Variants in ITSN2 observed in about 807,000 individuals in gnomAD.
ITSN2 encodes the protein intersectin-2.
In ITSN2, 156 loss-of-function variants were observed where a neutral mutation model predicts 243.7. The observed-to-expected ratio is 0.64, with a 90% CI of 0.56 to 0.73. The LOEUF (loss-of-function observed/expected upper bound fraction) is 0.73, where lower values mean the gene tolerates loss of function less well. ITSN2 is among the 30% of genes least tolerant of loss of function. ITSN2 has a pLI of 0.00. For synonymous variants in ITSN2, 703 were observed against 699.9 expected (o/e 1.00, Z -0.07); for missense variants, 1,801 against 1,996.1 (o/e 0.90, Z 1.86).
intron 1 of ITSN2, among the ~76,000 whole-genome samples, chr2:24,354,005 C>T (rs1688238174): frequency 6.6e-6 from 1 of 152,156 alleles, no homozygotes; most frequent in Non-Finnish European, 1.5e-5. Context: ...ATGGAAACTG[C>T]TTATGTTCTT....
At chr2:24,322,627 G>T (rs1684709234) in intron 2 of ITSN2, among the ~76,000 whole-genome samples, 1 of 152,096 alleles carries the variant, frequency 6.6e-6, no homozygotes, top group Admixed American at 6.6e-5. Context: ...AAAACTTCCT[G>T]AAGAAAATAT....
At chr2:24,271,726 T>C in intron 19 of ITSN2, 40 bp downstream of exon 19, 2 of 1,463,336 alleles carry the variant, frequency 1.4e-6, no homozygotes, top group Non-Finnish European at 1.8e-6. Context: ...TTTTTTCTTG[T>C]TGCATTTGTT....
chr2:24,356,345 CAAAAAAAA>C (rs70944743), intron 1 of ITSN2, among the ~76,000 whole-genome samples: 89 of 109,374 alleles, frequency 8.1e-4, no homozygotes, highest in Non-Finnish European at 1.3e-3. Flanking sequence ...GACCCTGTCT[CAAAAAAAA>C]AAAAAAAAAG....
chr2:24,222,076 C>T (rs1039650864), intron 29 of ITSN2, among the ~76,000 whole-genome samples: 2 of 152,014 alleles, frequency 1.3e-5, no homozygotes, highest in Non-Finnish European at 2.9e-5. Context: ...CACGGTGAAA[C>T]CCCGTCTCTA....
chr2:24,208,418 C>T lies in ITSN2; in HGVS notation c.4596-99G>A, dbSNP rs1573851881. 6 of 878,036 alleles carry T rather than the reference C, an allele frequency of 6.8e-6. No individual in the cohort carries two copies. The South Asian group carries it at 8.4e-5, about 12-fold the overall frequency. 54.4% of individuals were successfully genotyped at this position (878,036 alleles called of 1,614,324 possible). A position where few individuals can be genotyped will look rare whatever the true frequency, so the allele number is the denominator to read the frequency against. On this transcript the variant is annotated intron_variant, in intron 36 of 39. Coordinates refer to ENST00000355123, the MANE Select transcript of ITSN2 (RefSeq NM_006277.3). ...ACATGTTCTTCAGTCTTTTGCTAAC[C>T]TCAACTTTCACAAGTTTCCTATCAA... is the stretch of plus-strand genomic sequence containing the variant.
chr2:24,263,629 T>G, intron 20 of ITSN2, among the ~76,000 whole-genome samples: 1 of 152,212 alleles, frequency 6.6e-6, no homozygotes, highest in African/African-American at 2.4e-5. Flanking sequence ...TTTTCTGTCC[T>G]ATATATTAGT....
chr2:24,337,319 T>TATATATATATAC (rs1336561913), intron 1 of ITSN2, among the ~76,000 whole-genome samples: 5,913 of 66,776 alleles, frequency 0.089, 1,276 homozygotes, highest in East Asian at 0.19. Flanking sequence ...ACACAAAATA[T>TATATATATATAC]ATATATATAT....
Position 24,270,784 on chromosome 2 carries a change from T to C in ITSN2, c.2258-16A>G, listed in dbSNP as rs1677241231. The C allele has an allele frequency of 1.5e-6, 2 of 1,328,750 alleles. No homozygotes were observed. Among genetic ancestry groups the C allele is most frequent in the Admixed American group, 1.9e-5 (1 of 51,900 alleles). The allele number at this position is 1,328,750 out of a possible 1,614,324, so 82.3% of individuals were successfully genotyped here. On this transcript the variant is annotated splice_polypyrimidine_tract_variant and intron_variant, in intron 19 of 39. Transcript: ENST00000355123. The stretch of plus-strand genomic sequence containing the variant: ...GCTGTCTCACCTAAAGAGAAGACAA[T>C]TGTCATTATTTGCAACTTACATGTA...
At chr2:24,303,327 T>TG (rs965253480) in intron 9 of ITSN2, among the ~76,000 whole-genome samples, 3 of 152,224 alleles carry the variant, frequency 2.0e-5, no homozygotes, top group Non-Finnish European at 4.4e-5. Flanking sequence ...GTGATACTGA[T>TG]GATCTTGACC....
intron 20 of ITSN2, among the ~76,000 whole-genome samples, chr2:24,267,421 C>A (rs1676798573): frequency 6.6e-6 from 1 of 151,380 alleles, no homozygotes; most frequent in South Asian, 2.1e-4. Context: ...AAAGGAATCA[C>A]CGTAAGCTAT....
At chr2:24,260,091 T>A (rs1479531468) in intron 22 of ITSN2, among the ~76,000 whole-genome samples, 1 of 152,144 alleles carries the variant, frequency 6.6e-6, no homozygotes, top group Non-Finnish European at 1.5e-5. Flanking sequence ...CGGCTAATTT[T>A]TAAATTTTTT....
Position 24,257,967 on chromosome 2 carries a change from C to CA in ITSN2, c.2808dup (p.Gly937TrpfsTer22), listed in dbSNP as rs780168702. 6.2e-7 allele frequency: 1 copy of CA among 1,614,076 alleles called. No individual in the cohort carries two copies. Among genetic ancestry groups the CA allele is most frequent in the Non-Finnish European group, 8.5e-7 (1 of 1,179,986 alleles). On this transcript the variant is annotated frameshift_variant, in exon 23 of 40. Transcript: ENST00000355123. LOFTEE classifies it high-confidence loss of function. ...CATCCTCTTCCTCCATGCACCTCCC[C>CA]AAACCACCAATTTTCTTGCTGCTCC...
At chr2:24,330,771 CTTT>C (rs903037107) in intron 1 of ITSN2, 30 of 395,504 alleles carry the variant, frequency 7.6e-5, no homozygotes, top group East Asian at 1.7e-4. Flanking sequence ...TTTCATTTTA[CTTT>C]TTTTTTTTTT....
intron 29 of ITSN2, among the ~76,000 whole-genome samples, chr2:24,243,731 C>T (rs1673009571): frequency 6.6e-6 from 1 of 152,224 alleles, no homozygotes; most frequent in African/African-American, 2.4e-5. Context: ...GTGTGCGCCA[C>T]TGTGCCCAGC....
intron 2 of ITSN2, among the ~76,000 whole-genome samples, chr2:24,322,047 T>A (rs953665801): frequency 6.6e-6 from 1 of 152,186 alleles, no homozygotes; most frequent in African/African-American, 2.4e-5. Flanking sequence ...ACTAACTATG[T>A]ACCAACATAT....
In ITSN2 at chr2:24,208,309, C is replaced by T. The variant is rs368930365; in HGVS notation, c.4606G>A (p.Val1536Met). Residue 1536 changes from valine to methionine, a missense_variant, in exon 37 of 40, where the codon GTG (valine) becomes ATG (methionine). Physicochemically the swap from Val to Met is conservative, Grantham distance 21. Around this residue, in one of 5 missense-constraint regions of ITSN2, gnomAD observed 928 missense variants for 1,065.4 expected, o/e 0.87. Coordinates refer to ENST00000355123, the MANE Select transcript of ITSN2 (RefSeq NM_006277.3). ...TDNINERTAW[V>M]QKIKAASEQY... ...TCAGACGCCGCCTTGATCTTCTGCACCCAGGCGGTCCTACGGGAGAAGCAG... is the reference window on the plus strand; with the variant it reads ...TCAGACGCCGCCTTGATCTTCTGCATCCAGGCGGTCCTACGGGAGAAGCAG... 6.2e-7 allele frequency: 1 copy of T among 1,612,144 alleles called. No individual in the cohort carries two copies. Among genetic ancestry groups the T allele is most frequent in the Non-Finnish European group, 8.5e-7 (1 of 1,179,776 alleles).
At chr2:24,290,869 A>G (rs1347501078) in intron 15 of ITSN2, among the ~76,000 whole-genome samples, 1 of 152,070 alleles carries the variant, frequency 6.6e-6, no homozygotes, top group Non-Finnish European at 1.5e-5. Flanking sequence ...TCTAACTTTC[A>G]TATCTTATGT....
At chr2:24,322,049 C>A (rs943037860) in intron 2 of ITSN2, among the ~76,000 whole-genome samples, 1 of 152,078 alleles carries the variant, frequency 6.6e-6, no homozygotes, top group Non-Finnish European at 1.5e-5. Flanking sequence ...TAACTATGTA[C>A]CAACATATAT....
chr2:24,318,596 T>C lies in ITSN2; in HGVS notation c.32-3372A>G, dbSNP rs113972127. ...CTGTCTCCAGAAAGGATTCATTGCT[T>C]ATTAGCTGCTTCCTCCCTAATGATC... On this transcript the variant is annotated intron_variant, in intron 2 of 39. Coordinates refer to ENST00000355123, the MANE Select transcript of ITSN2 (RefSeq NM_006277.3). 2.8e-3 allele frequency among the ~76,000 whole-genome samples: 432 copies of C among 152,312 alleles called. 4 individuals carry two copies. Among genetic ancestry groups the C allele is most frequent in the African/African-American group, 0.01 (416 of 41,564 alleles).
Sources: allele counts gnomAD v4.1 joint callset (sites outside exome capture counted in the v4.1 genomes callset), GRCh38; gene constraint gnomAD v4.1.1; regional missense constraint gnomAD v4.1.1; transcripts MANE v1.5; gene names NCBI Gene and HGNC (gene_info 2026-07-23, HGNC 2026-07-21).